Variants in EBF1 observed in about 807,000 individuals in gnomAD.
EBF1 encodes the protein transcription factor COE1.
A neutral mutation model predicts 68.4 loss-of-function variants in EBF1; 10 were observed. The observed-to-expected ratio is 0.15, with a 90% CI of 0.09 to 0.25. The LOEUF (loss-of-function observed/expected upper bound fraction) is 0.25. Among genes scored for constraint, EBF1 ranks in the 10% least tolerant of loss-of-function variants. The pLI, the probability that EBF1 is intolerant of heterozygous loss-of-function variation, is 1.00. For synonymous variants in EBF1, 298 were observed against 299.8 expected (o/e 0.99, Z 0.06); for missense variants, 509 against 794.4 (o/e 0.64, Z 4.32).
At chr5:158,877,577 A>T (rs1171860185) in intron 6 of EBF1, among the ~76,000 whole-genome samples, 1 of 152,178 alleles carries the variant, frequency 6.6e-6, no homozygotes, top group Non-Finnish European at 1.5e-5. Context: ...CTGTTCAAAA[A>T]TATTATTGCT....
chr5:158,787,138 A>G (rs1434221931), intron 9 of EBF1, among the ~76,000 whole-genome samples: 1 of 152,180 alleles, frequency 6.6e-6, no homozygotes, highest in Non-Finnish European at 1.5e-5. Context: ...TGGCTGTACA[A>G]CTGCTTCTGC....
intron 6 of EBF1, among the ~76,000 whole-genome samples, chr5:158,968,966 C>T (rs941745946): frequency 1.3e-5 from 2 of 152,142 alleles, no homozygotes; most frequent in African/African-American, 4.8e-5. Flanking sequence ...TCTGGATGTA[C>T]CAACCTAGCC....
chr5:158,967,339 G>A (rs972549088), intron 6 of EBF1, among the ~76,000 whole-genome samples: 6 of 152,128 alleles, frequency 3.9e-5, no homozygotes, highest in Non-Finnish European at 1.5e-5. Context: ...TGGAATTATG[G>A]ACCAGAATCA....
At chr5:158,976,713 G>A (rs1756834780) in intron 6 of EBF1, among the ~76,000 whole-genome samples, 3 of 152,250 alleles carry the variant, frequency 2.0e-5, no homozygotes, top group Middle Eastern at 3.4e-3. Context: ...TAATTGCCAT[G>A]CCAAAAGCAA....
intron 6 of EBF1, among the ~76,000 whole-genome samples, chr5:158,841,496 T>C (rs893226643): frequency 3.3e-5 from 5 of 152,374 alleles, no homozygotes; most frequent in African/African-American, 9.6e-5. Context: ...AAAATGCTGG[T>C]CAACTGAATT....
chr5:158,932,268 G>A (rs1811042427), intron 6 of EBF1, among the ~76,000 whole-genome samples: 1 of 152,118 alleles, frequency 6.6e-6, no homozygotes, highest in Non-Finnish European at 1.5e-5. Context: ...AGATTGGTTA[G>A]ATAAATGATG....
intron 4 of EBF1, among the ~76,000 whole-genome samples, chr5:159,091,059 C>G (rs1274165285): frequency 6.6e-6 from 1 of 152,166 alleles, no homozygotes; most frequent in Non-Finnish European, 1.5e-5. Flanking sequence ...ACTCCTTCAT[C>G]GCTCTCAGCA....
At chr5:159,060,735 C>A (rs1261545448) in intron 6 of EBF1, among the ~76,000 whole-genome samples, 1 of 152,028 alleles carries the variant, frequency 6.6e-6, no homozygotes, top group East Asian at 1.9e-4. Context: ...TGGTATATCA[C>A]CCTCGTCCTT....
At chr5:159,046,177 C>T (rs1772353243) in intron 6 of EBF1, among the ~76,000 whole-genome samples, 1 of 152,186 alleles carries the variant, frequency 6.6e-6, no homozygotes, top group Non-Finnish European at 1.5e-5. Flanking sequence ...ATACAGGTGC[C>T]CCTGACACTC....
chr5:158,806,288 A>G (rs1781581922), intron 8 of EBF1, among the ~76,000 whole-genome samples: 1 of 152,118 alleles, frequency 6.6e-6, no homozygotes, highest in South Asian at 2.1e-4. Context: ...CGAAAGAAAA[A>G]GTTGCATGAG....
chr5:158,989,584 C>G (rs1759850247), intron 6 of EBF1, among the ~76,000 whole-genome samples: 1 of 152,114 alleles, frequency 6.6e-6, no homozygotes, highest in Admixed American at 6.6e-5. Flanking sequence ...CTTACTAAAG[C>G]CTTCCTCTGT....
intron 7 of EBF1, among the ~76,000 whole-genome samples, chr5:158,826,791 C>T (rs1331267420): frequency 6.6e-6 from 1 of 152,102 alleles, no homozygotes; most frequent in Non-Finnish European, 1.5e-5. Context: ...TACCCATGGA[C>T]TTTGGATATT....
At chr5:159,093,597 T>G (rs575996805) in intron 4 of EBF1, among the ~76,000 whole-genome samples, 1 of 152,264 alleles carries the variant, frequency 6.6e-6, no homozygotes, top group African/African-American at 2.4e-5. Context: ...TTTCTTAAGC[T>G]CTATGACCTT....
At chr5:158,896,972 C>T (rs1802301263) in intron 6 of EBF1, among the ~76,000 whole-genome samples, 2 of 152,104 alleles carry the variant, frequency 1.3e-5, no homozygotes. Context: ...ATTTGGGTCC[C>T]TTGATTTCAG....
chr5:158,741,912 C>A (rs924199925), intron 10 of EBF1, among the ~76,000 whole-genome samples: 1 of 152,176 alleles, frequency 6.6e-6, no homozygotes, highest in African/African-American at 2.4e-5. Context: ...ATGGATTAAC[C>A]TATCCTTCAC....
intron 6 of EBF1, among the ~76,000 whole-genome samples, chr5:159,042,971 A>G (rs1399458852): frequency 1.3e-5 from 2 of 152,204 alleles, no homozygotes; most frequent in African/African-American, 4.8e-5. Context: ...TCTGGAAAGG[A>G]TAAGGCCTGA....
intron 6 of EBF1, among the ~76,000 whole-genome samples, chr5:158,871,180 T>G (rs1231065066): frequency 1.3e-5 from 2 of 152,210 alleles, no homozygotes; most frequent in Non-Finnish European, 2.9e-5. Flanking sequence ...GCTACTACTT[T>G]CCCTTCAAGC....
intron 5 of EBF1, among the ~76,000 whole-genome samples, chr5:159,076,342 G>A (rs1330674661): frequency 6.6e-6 from 1 of 152,114 alleles, no homozygotes; most frequent in Non-Finnish European, 1.5e-5. Context: ...AGGCATTGTT[G>A]ATGGAAGGAA....
intron 6 of EBF1, among the ~76,000 whole-genome samples, chr5:158,904,588 C>T (rs1237905036): frequency 1.3e-5 from 2 of 152,198 alleles, no homozygotes; most frequent in East Asian, 3.8e-4. Flanking sequence ...CACATTCCTG[C>T]ATAGCAGCTA....
Sources: allele counts gnomAD v4.1 joint callset (sites outside exome capture counted in the v4.1 genomes callset), GRCh38; gene constraint gnomAD v4.1.1; transcripts MANE v1.5; gene names NCBI Gene and HGNC (gene_info 2026-07-23, HGNC 2026-07-21).